Variants in SFTPB observed in about 807,000 individuals in gnomAD.
The protein encoded by SFTPB is surfactant protein B.
SFTPB carries 32 observed loss-of-function variants against 51.0 expected under a neutral mutation model. The observed-to-expected ratio is 0.63, with a 90% CI of 0.47 to 0.84. SFTPB has a LOEUF of 0.84. Ranked by LOEUF, SFTPB falls within the 40% of genes least tolerant of loss-of-function variation. The probability of loss-of-function intolerance (pLI) is 0.00; values close to 1 mark genes in which losing one functional copy is unlikely to be tolerated. For missense variants in SFTPB, 431 were observed against 491.2 expected (o/e 0.88, Z 1.16); for synonymous variants, 211 against 208.5 (o/e 1.01, Z -0.10).
intron 5 of SFTPB, 86 bp downstream of exon 5, chr2:85,665,520 T>C (rs1223310041): frequency 3.3e-6 from 5 of 1,519,834 alleles, no homozygotes; most frequent in Non-Finnish European, 4.5e-6. Context: ...CGGCTCTGCC[T>C]CTCCCAGGGC....
At chr2:85,667,519 G>A (rs887576379) in intron 2 of SFTPB, among the ~76,000 whole-genome samples, 160 bp downstream of exon 2, 24 of 151,372 alleles carry the variant, frequency 1.6e-4, no homozygotes, top group African/African-American at 4.1e-4. Flanking sequence ...GTATCCCATC[G>A]CATCCATCCC....
intron 8 of SFTPB, among the ~76,000 whole-genome samples, chr2:85,662,459 A>G (rs2104396975): frequency 6.6e-6 from 1 of 152,238 alleles, no homozygotes; most frequent in Non-Finnish European, 1.5e-5. Flanking sequence ...GAGGCTTGGG[A>G]GTTGCTGAGC....
In SFTPB at chr2:85,666,428, T is replaced by A. The variant is rs1427403024; in HGVS notation, c.393+189A>T. ...GTGTCCGGCCAGCTGGGGTGTTGTGTGTGTGTGTGTGTGTGTGTCCGGCTG... is the reference window on the plus strand; with the variant it reads ...GTGTCCGGCCAGCTGGGGTGTTGTGAGTGTGTGTGTGTGTGTGTCCGGCTG... On this transcript the variant is annotated intron_variant, in intron 4 of 10. Transcript: ENST00000519937. 5.6e-6 allele frequency: 3 copies of A among 538,476 alleles called. No individual in the cohort carries two copies. The South Asian group carries it at 5.6e-5, about 10-fold the overall frequency. The allele number at this position is 538,476 out of a possible 1,614,324, so 33.4% of individuals were successfully genotyped here.
At position 85,661,551 on chromosome 2, in the gene SFTPB, C is replaced by T. The variant is rs772842721; in HGVS notation, c.1084-16G>A. On this transcript the variant is annotated splice_polypyrimidine_tract_variant and intron_variant, in intron 9 of 10. Coordinates refer to ENST00000519937, the MANE Select transcript of SFTPB (RefSeq NM_000542.5). ...CCCCGAGGGCCTGTCACAGGGACAG[C>T]ACCAGGGCTGAGGCCTGGGCCCCCT... is the stretch of plus-strand genomic sequence containing the variant. The T allele has an allele frequency of 5.6e-6, 9 of 1,606,954 alleles. No homozygotes were observed. The highest frequency in any genetic ancestry group is 7.6e-6 in the Non-Finnish European group (9 of 1,176,952).
intron 8 of SFTPB, among the ~76,000 whole-genome samples, chr2:85,662,563 G>A (rs903967440): frequency 6.6e-6 from 1 of 152,058 alleles, no homozygotes; most frequent in Non-Finnish European, 1.5e-5. Context: ...TTTCCTGTCC[G>A]GGTGCAGTGG....
intron 10 of SFTPB, among the ~76,000 whole-genome samples, chr2:85,659,948 G>A (rs1396883203): frequency 6.6e-6 from 1 of 152,132 alleles, no homozygotes; most frequent in Admixed American, 6.5e-5. Context: ...TCTGAGTGGG[G>A]GAGGACCTCC....
upstream of SFTPB, chr2:85,668,294 A>G: frequency 9.6e-7 from 1 of 1,043,694 alleles, no homozygotes; most frequent in South Asian, 1.4e-5. Flanking sequence ...TTTGCTCTGA[A>G]GAGCCCTCCA....
intron 8 of SFTPB, among the ~76,000 whole-genome samples, chr2:85,662,698 G>A (rs753292231): frequency 5.3e-5 from 8 of 151,884 alleles, no homozygotes; most frequent in African/African-American, 1.5e-4. Flanking sequence ...AAAATTAGCC[G>A]GGCCTGGTAG....
intron 8 of SFTPB, among the ~76,000 whole-genome samples, 187 bp downstream of exon 8, chr2:85,663,159 G>T (rs1476182866): frequency 6.6e-6 from 1 of 152,216 alleles, no homozygotes; most frequent in Non-Finnish European, 1.5e-5. Context: ...GTCCAGAGGC[G>T]ACTCCTAACC....
chr2:85,660,524 A>G (rs1248559659), intron 10 of SFTPB, among the ~76,000 whole-genome samples: 2 of 134,804 alleles, frequency 1.5e-5, no homozygotes, highest in African/African-American at 5.7e-5. Flanking sequence ...ATCTCGGCAC[A>G]CCGCAACCTT....
At position 85,657,425 on chromosome 2, in the gene SFTPB, A is replaced by G. The variant is rs1172109252; in HGVS notation, c.*2277T>C. ...ATGGCTTTAAGGACAGTAGTTAGCTATAGATTTACAAATGTCTACTTAAAA... is the reference window on the plus strand; with the variant it reads ...ATGGCTTTAAGGACAGTAGTTAGCTGTAGATTTACAAATGTCTACTTAAAA... On this transcript the variant is annotated 3_prime_UTR_variant, in exon 11 of 11. Coordinates refer to ENST00000519937, the MANE Select transcript of SFTPB (RefSeq NM_000542.5). 3.3e-5 allele frequency: 5 copies of G among 152,200 alleles called. No individual in the cohort carries two copies. Among genetic ancestry groups the G allele is most frequent in the African/African-American group, 1.2e-4 (5 of 41,462 alleles). The allele number at this position is 152,200 out of a possible 1,614,324, so 9.4% of individuals were successfully genotyped here.
intron 4 of SFTPB, among the ~76,000 whole-genome samples, chr2:85,666,273 GGGTATGTGTCTGGATGGAGTGC>G (rs1677598246): frequency 2.7e-5 from 4 of 145,970 alleles, no homozygotes; most frequent in Non-Finnish European, 4.6e-5. Flanking sequence ...GGTACTGTGT[GGGTATGTGTCTGGATGGAGTGC>G]TGTGTGTGTG....
In SFTPB at chr2:85,661,453, C is replaced by A; in HGVS notation, c.*19+1G>T. The A allele has an allele frequency of 6.2e-7, 1 of 1,603,670 alleles. No individual in the cohort carries two copies. Among genetic ancestry groups the A allele is most frequent in the East Asian group, 2.2e-5 (1 of 44,628 alleles). ...CCCCGCAACTGGGGGCCTGGACTCACCTGGACAGCTGAGTTCTCATCAAAG... is the reference window on the plus strand; with the variant it reads ...CCCCGCAACTGGGGGCCTGGACTCAACTGGACAGCTGAGTTCTCATCAAAG... On this transcript the variant is annotated splice_donor_variant, in intron 10 of 10. Transcript: ENST00000519937. LOFTEE classifies it low-confidence loss of function (3UTR_SPLICE).
chr2:85,665,090 A>T (rs1037334230), intron 6 of SFTPB, among the ~76,000 whole-genome samples, 199 bp downstream of exon 6: 1 of 152,186 alleles, frequency 6.6e-6, no homozygotes, highest in Non-Finnish European at 1.5e-5. Flanking sequence ...CATGAACTGT[A>T]GGCCTGGCAC....
At chr2:85,667,214 A>G in intron 2 of SFTPB, 37 bp from the exon 3 acceptor site, 1 of 1,491,132 alleles carries the variant, frequency 6.7e-7, no homozygotes, top group South Asian at 1.1e-5. Flanking sequence ...AGGACACATG[A>G]GTGGGGGAGG....
At chr2:85,666,070 G>T (rs1677571937) in intron 4 of SFTPB, among the ~76,000 whole-genome samples, 1 of 152,174 alleles carries the variant, frequency 6.6e-6, no homozygotes, top group Admixed American at 6.5e-5. Context: ...GTGTAAGGGT[G>T]TGTGAGCGTA....
At chr2:85,668,046 A>G in intron 1 of SFTPB, 71 bp downstream of exon 1, 1 of 1,336,638 alleles carries the variant, frequency 7.5e-7, no homozygotes, top group Non-Finnish European at 1.0e-6. Context: ...ACTTGGGTTA[A>G]TGCCTAGCAC....
At position 85,663,819 on chromosome 2, in the gene SFTPB, A is replaced by G; in HGVS notation, c.701T>C (p.Val234Ala). ...KGALAVAVAQ[V>A]CRVVPLVAGG... ...CGCCACCAGAGGTACCACGCGGCAC[A>G]CCTGGGCCACTGCCACAGCTAGCGC... Residue 234 changes from valine (V) to alanine (A), a missense_variant, in exon 7 of 11, where the codon GTG becomes GCG. Physicochemically the swap from Val to Ala is moderately conservative, Grantham distance 64 (BLOSUM62 0). Coordinates refer to ENST00000519937, the MANE Select transcript of SFTPB (RefSeq NM_000542.5). 1 of 1,595,348 alleles carries G rather than the reference A, an allele frequency of 6.3e-7. No homozygotes were observed. Among genetic ancestry groups the G allele is most frequent in the Non-Finnish European group, 8.5e-7 (1 of 1,173,384 alleles).
At chr2:85,662,348 A>C (rs1291862355) in intron 8 of SFTPB, 20 of 1,302,362 alleles carry the variant, frequency 1.5e-5, no homozygotes, top group Non-Finnish European at 2.0e-5. Flanking sequence ...AGAGGGGTGG[A>C]ATCTCAGCCA....
Sources: allele counts gnomAD v4.1 joint callset (sites outside exome capture counted in the v4.1 genomes callset), GRCh38; gene constraint gnomAD v4.1.1; transcripts MANE v1.5; gene names NCBI Gene and HGNC (gene_info 2026-07-23, HGNC 2026-07-21).